The following PHF21B variants were observed in gnomAD, a reference collection of about 807,000 sequenced individuals.
PHF21B encodes PHD finger protein 21B.
Under a neutral mutation model 62.2 loss-of-function variants are expected in PHF21B, and 22 were observed. The observed-to-expected ratio is 0.35, with a 90% confidence interval of 0.25 to 0.51. The LOEUF is 0.51. PHF21B is among the 20% of genes least tolerant of loss of function. The probability of loss-of-function intolerance (pLI) is 0.97; values close to 1 mark genes in which losing one functional copy is unlikely to be tolerated. For missense variants in PHF21B, 701 were observed against 707.9 expected (o/e 0.99, Z 0.11); for synonymous variants, 341 against 314.7 (o/e 1.08, Z -0.88).
At position 45,009,452 on chromosome 22, in the gene PHF21B, C is replaced by G. The variant is rs2147558326; in HGVS notation, c.54+44G>C. The G allele has an allele frequency of 6.6e-7, 1 of 1,514,730 alleles. No individual in the cohort carries two copies. The highest frequency in any genetic ancestry group is 2.5e-5 in the East Asian group (1 of 39,458). 93.8% of individuals were successfully genotyped at this position (1,514,730 alleles called of 1,614,324 possible). ...CTCGGGTCCCCCGACCCCCTCACCC[C>G]GCAACACACTCCCCGGCCCCGGGCC... On this transcript the variant is annotated intron_variant, in intron 1 of 12. Transcript: ENST00000313237. This position sits in a 1 kb window ranked among gnomAD's most constrained non-coding sequence, Gnocchi z 5.9.
intron 2 of PHF21B, among the ~76,000 whole-genome samples, chr22:44,950,122 T>C (rs1419442627): frequency 1.3e-5 from 2 of 152,230 alleles, no homozygotes; most frequent in African/African-American, 4.8e-5. Context: ...TTTCCTGATA[T>C]GTAATCAAAG....
chr22:44,935,197 C>G (rs1264595505), intron 2 of PHF21B, among the ~76,000 whole-genome samples: 1 of 152,154 alleles, frequency 6.6e-6, no homozygotes, highest in African/African-American at 2.4e-5. Context: ...GAGAGCAAAC[C>G]CCAGTCCTGC....
At position 44,893,461 on chromosome 22, in the gene PHF21B, G is replaced by A; in HGVS notation, c.956C>T (p.Thr319Ile). ...TGGGGCTGGCGGGTTCCCCACCTCG[G>A]TCTCCAGGAGGCCGCTGTAGGCAGG... ...ANPAYSGLLE[T>I]ERKRLASNYL... Residue 319 changes from threonine to isoleucine, a missense_variant, in exon 7 of 13, where the codon ACC becomes ATC. Physicochemically the swap from Thr to Ile is moderately conservative, Grantham distance 89. Transcript: ENST00000313237. 1 of 1,596,542 alleles carries A rather than the reference G, an allele frequency of 6.3e-7. No individual in the cohort carries two copies. The highest frequency in any genetic ancestry group is 1.1e-5 in the South Asian group (1 of 87,938).
chr22:44,984,173 CCATCACAACCACCATCAT>C (rs2072900365), intron 2 of PHF21B, among the ~76,000 whole-genome samples: 3 of 148,592 alleles, frequency 2.0e-5, no homozygotes, highest in Non-Finnish European at 3.0e-5. Flanking sequence ...ACCATCATCA[CCATCACAACCACCATCAT>C]CACCACCACT....
chr22:44,953,603 A>C (rs1276073131), intron 2 of PHF21B, among the ~76,000 whole-genome samples: 3 of 152,200 alleles, frequency 2.0e-5, no homozygotes, highest in Non-Finnish European at 4.4e-5. Flanking sequence ...GGGACTGGAG[A>C]GGGAGCTTCC....
intron 2 of PHF21B, among the ~76,000 whole-genome samples, chr22:44,925,684 G>A (rs557232685): frequency 5.6e-4 from 85 of 152,314 alleles, no homozygotes; most frequent in African/African-American, 1.9e-3. Flanking sequence ...GCTCTTGGCT[G>A]GCACAGCCTG....
At chr22:44,994,107 C>T (rs1385440894) in intron 2 of PHF21B, among the ~76,000 whole-genome samples, 2 of 152,226 alleles carry the variant, frequency 1.3e-5, no homozygotes, top group African/African-American at 2.4e-5. Context: ...GCTGCTGCGT[C>T]GGCCCGGGGC....
chr22:44,991,156 C>T (rs909314550), intron 2 of PHF21B, among the ~76,000 whole-genome samples: 1 of 152,216 alleles, frequency 6.6e-6, no homozygotes, highest in African/African-American at 2.4e-5. Flanking sequence ...GTCATTAACA[C>T]TAGTAATTTT....
At chr22:44,891,602 C>T (rs899566638) in intron 7 of PHF21B, among the ~76,000 whole-genome samples, 1 of 152,124 alleles carries the variant, frequency 6.6e-6, no homozygotes, top group Non-Finnish European at 1.5e-5. Context: ...TGCAGGAGGC[C>T]TAGGACACCC....
intron 9 of PHF21B, among the ~76,000 whole-genome samples, chr22:44,888,847 A>G (rs739124): frequency 0.68 from 102,806 of 152,056 alleles, 35,541 homozygotes; most frequent in African/African-American, 0.84. Context: ...GGAGGCAGTT[A>G]TCACACAGCA....
intron 2 of PHF21B, 135 bp downstream of exon 2, chr22:45,008,410 A>C: frequency 7.7e-5 from 54 of 703,174 alleles, no homozygotes; most frequent in Middle Eastern, 4.6e-4. Flanking sequence ...GGGGTGGGGA[A>C]CTTTGAGAAC....
chr22:44,990,992 T>TCAGG (rs1036348149), intron 2 of PHF21B, among the ~76,000 whole-genome samples: 1 of 152,112 alleles, frequency 6.6e-6, no homozygotes, highest in Non-Finnish European at 1.5e-5. Flanking sequence ...CTGCCGCGGC[T>TCAGG]CCTCCACACC....
chr22:44,921,109 C>T (rs907991377), intron 2 of PHF21B, among the ~76,000 whole-genome samples: 6 of 152,204 alleles, frequency 3.9e-5, no homozygotes, highest in South Asian at 2.1e-4. Flanking sequence ...GGAGGGGGAA[C>T]GGCCTGGGTG....
At chr22:44,911,531 G>T (rs2071343690) in intron 5 of PHF21B, among the ~76,000 whole-genome samples, 1 of 152,166 alleles carries the variant, frequency 6.6e-6, no homozygotes, top group African/African-American at 2.4e-5. Flanking sequence ...AGGGGCCAAG[G>T]TACCCCTCAG....
intron 2 of PHF21B, among the ~76,000 whole-genome samples, chr22:44,966,787 C>T (rs1359162440): frequency 6.6e-6 from 1 of 152,166 alleles, no homozygotes. Context: ...GAGTGAGGTC[C>T]AGTCCAAGAT....
chr22:44,927,600 T>C (rs1043391605), intron 2 of PHF21B, among the ~76,000 whole-genome samples: 5 of 152,150 alleles, frequency 3.3e-5, no homozygotes, highest in African/African-American at 1.2e-4. Context: ...CAACCGTCCA[T>C]TCTCCGCCAA....
chr22:44,882,833 G>A lies in PHF21B; in HGVS notation c.*253C>T, dbSNP rs1051465093. The A allele has an allele frequency of 7.3e-5, 34 of 468,874 alleles. No individual in the cohort carries two copies. The highest frequency in any genetic ancestry group is 1.6e-4 in the African/African-American group (8 of 49,974). 29.0% of individuals were successfully genotyped at this position (468,874 alleles called of 1,614,324 possible). Reference sequence around the variant, plus strand: ...GGCAGCCCCGAGGTGGCCGGGGGGAGACTGTGTGCCCCAGCCTGTCGTACC... The same window carrying A: ...GGCAGCCCCGAGGTGGCCGGGGGGAAACTGTGTGCCCCAGCCTGTCGTACC... On this transcript the variant is annotated 3_prime_UTR_variant, in exon 13 of 13. Transcript: ENST00000313237.
At position 44,917,145 on chromosome 22, in the gene PHF21B, G is replaced by A. The variant is rs991164174; in HGVS notation, c.214-515C>T. On this transcript the variant is annotated intron_variant, in intron 3 of 12. Transcript: ENST00000313237. ...AGAGCTGAGCCCGCGTGACTGCGGC[G>A]GGCCTGACAGTGAAGGTGTGCAGAG... Among the ~76,000 whole-genome samples, 110 of 152,336 alleles carry A rather than the reference G, an allele frequency of 7.2e-4. 1 individual carries two copies. The highest frequency in any genetic ancestry group is 2.5e-3 in the African/African-American group (106 of 41,592).
Position 44,898,552 on chromosome 22 carries a change from G to A in PHF21B, c.832-2469C>T, listed in dbSNP as rs115711623. Among the ~76,000 whole-genome samples the A allele has an allele frequency of 5.0e-3, 765 of 152,100 alleles. 6 individuals carry two copies. Among genetic ancestry groups the A allele is most frequent in the African/African-American group, 0.017 (717 of 41,498 alleles). On this transcript the variant is annotated intron_variant, in intron 5 of 12. Coordinates refer to ENST00000313237, the MANE Select transcript of PHF21B (RefSeq NM_138415.5). ...GGGAATCAGACTCCACTCAGGCAGG[G>A]CTTTTTTCACTTTGTTGCCATGCAT... is the stretch of plus-strand genomic sequence containing the variant.
Sources: allele counts gnomAD v4.1 joint callset (sites outside exome capture counted in the v4.1 genomes callset), GRCh38; gene constraint gnomAD v4.1.1; non-coding constraint Gnocchi (gnomAD v3.1); transcripts MANE v1.5; gene names NCBI Gene and HGNC (gene_info 2026-07-23, HGNC 2026-07-21).